DCDC1: variants seen among roughly 807,000 people sequenced by gnomAD.
DCDC1 encodes the protein doublecortin domain containing 1.
A neutral mutation model predicts 178.3 loss-of-function variants in DCDC1; 200 were observed. The ratio of observed to expected loss-of-function variants is 1.12; its 90% CI spans 1.00 to 1.26. DCDC1 has a LOEUF of 1.26. DCDC1 is among the 50% of genes most tolerant of loss of function. The pLI, the probability that DCDC1 is intolerant of heterozygous loss-of-function variation, is 0.00. For missense variants in DCDC1, 1,983 were observed against 1,749.2 expected (o/e 1.13, Z -2.38); for synonymous variants, 690 against 604.8 (o/e 1.14, Z -2.07).
At chr11:31,047,824 AT>A (rs1954954258) in intron 20 of DCDC1, among the ~76,000 whole-genome samples, 1 of 152,200 alleles carries the variant, frequency 6.6e-6, no homozygotes, top group Non-Finnish European at 1.5e-5. Context: ...TGAATAACAT[AT>A]AAAATTTAGC....
chr11:31,306,697 A>ATC (rs1948483723), intron 4 of DCDC1, among the ~76,000 whole-genome samples: 1 of 151,830 alleles, frequency 6.6e-6, no homozygotes, highest in African/African-American at 2.4e-5. Flanking sequence ...ATATATATAT[A>ATC]TTATATGCAA....
chr11:30,894,480 C>A, intron 34 of DCDC1, 96 bp from the exon 35 acceptor site: 1 of 1,507,292 alleles, frequency 6.6e-7, no homozygotes, highest in South Asian at 1.3e-5. Flanking sequence ...TCGTTCCACA[C>A]AGGAGCATAA....
Position 30,905,082 on chromosome 11 carries a change from G to A in DCDC1, c.4187C>T (p.Thr1396Met), listed in dbSNP as rs563373193. The A allele has an allele frequency of 2.1e-5, 34 of 1,613,688 alleles. No individual in the cohort carries two copies. The highest frequency in any genetic ancestry group is 1.7e-4 in the Middle Eastern group (1 of 6,060). ...CATGCCACTGTGAGATGCAGCTTGC[G>A]TGCAGGTCTTCATCCGTAAAGACAA... ...RLLSLRMKTC[T>M]QAASHSGMAA... is the part of the protein sequence containing the mutation. Residue 1396 changes from threonine (T) to methionine (M), a missense_variant, in exon 31 of 39, where the codon ACG becomes ATG. Physicochemically the swap from Thr to Met is moderately conservative, Grantham distance 81. Coordinates refer to ENST00000684477, the MANE Select transcript of DCDC1 (RefSeq NM_001387274.1).
chr11:30,998,689 A>G (rs896214984), intron 20 of DCDC1, among the ~76,000 whole-genome samples: 6 of 152,284 alleles, frequency 3.9e-5, no homozygotes, highest in African/African-American at 1.4e-4. Context: ...ATTTGCTCAA[A>G]CTTATGGTAT....
intron 20 of DCDC1, among the ~76,000 whole-genome samples, chr11:30,997,193 T>C (rs552438102): frequency 9.2e-5 from 14 of 152,240 alleles, no homozygotes; most frequent in East Asian, 3.9e-4. Flanking sequence ...AGGATAGAGA[T>C]TGATTACAAA....
intron 20 of DCDC1, among the ~76,000 whole-genome samples, chr11:31,020,357 C>T (rs1952788177): frequency 6.6e-6 from 1 of 152,044 alleles, no homozygotes; most frequent in South Asian, 2.1e-4. Flanking sequence ...CTCATAAATA[C>T]AGCCTCCTCA....
intron 9 of DCDC1, among the ~76,000 whole-genome samples, chr11:31,188,621 C>T (rs976580377): frequency 1.3e-5 from 2 of 152,128 alleles, no homozygotes; most frequent in South Asian, 2.1e-4. Flanking sequence ...ACATTGGGTG[C>T]CATGTATACC....
chr11:30,899,787 TG>T (rs749413368), intron 33 of DCDC1, 145 bp from the exon 34 acceptor site: 8 of 578,778 alleles, frequency 1.4e-5, no homozygotes, highest in Non-Finnish European at 1.9e-5. Flanking sequence ...AAACTTCATT[TG>T]AAAGATGACA....
At chr11:31,075,228 T>A (rs1207496485) in intron 18 of DCDC1, among the ~76,000 whole-genome samples, 2 of 152,212 alleles carry the variant, frequency 1.3e-5, no homozygotes, top group African/African-American at 2.4e-5. Context: ...TATTATTTCA[T>A]TCTTTTTAAC....
At chr11:31,084,952 G>A (rs1160547611) in intron 17 of DCDC1, among the ~76,000 whole-genome samples, 3 of 150,706 alleles carry the variant, frequency 2.0e-5, no homozygotes, top group African/African-American at 7.3e-5. Context: ...CTGATGAGAT[G>A]TTGCAGTACT....
chr11:31,183,612 A>G (rs1428925115), intron 9 of DCDC1, among the ~76,000 whole-genome samples: 2 of 152,218 alleles, frequency 1.3e-5, no homozygotes, highest in African/African-American at 4.8e-5. Context: ...TCAATGTGCA[A>G]AAATCACAAG....
chr11:30,996,485 G>A lies in DCDC1; in HGVS notation c.2592-43917C>T, dbSNP rs890486015. Among the ~76,000 whole-genome samples, 2 of 152,190 alleles carry A rather than the reference G, an allele frequency of 1.3e-5. 1 individual carries two copies. On this transcript the variant is annotated intron_variant, in intron 20 of 38. Coordinates refer to ENST00000684477, the MANE Select transcript of DCDC1 (RefSeq NM_001387274.1). ...CCCCAGTGCAAGAGTATTGGGAAGT[G>A]TGACCTTTGGTAGGTGATGCAGTTA...
At chr11:31,029,012 A>C (rs1017011573) in intron 20 of DCDC1, among the ~76,000 whole-genome samples, 6 of 152,014 alleles carry the variant, frequency 3.9e-5, no homozygotes, top group Admixed American at 6.6e-5. Context: ...AGATGCTAAG[A>C]TTTTACGATG....
At chr11:31,088,348 T>A (rs1957600842) in intron 17 of DCDC1, among the ~76,000 whole-genome samples, 1 of 152,074 alleles carries the variant, frequency 6.6e-6, no homozygotes, top group Admixed American at 6.6e-5. Context: ...CCTACCATCT[T>A]GTTATTTATT....
At chr11:31,224,108 C>A (rs529325407) in intron 9 of DCDC1, among the ~76,000 whole-genome samples, 8 of 152,186 alleles carry the variant, frequency 5.3e-5, no homozygotes, top group Non-Finnish European at 8.8e-5. Flanking sequence ...GTGCCTTTAG[C>A]CTTCCTTCAT....
chr11:31,189,731 C>A (rs1969923451), intron 9 of DCDC1, among the ~76,000 whole-genome samples: 2 of 152,120 alleles, frequency 1.3e-5, no homozygotes, highest in African/African-American at 4.8e-5. Flanking sequence ...ATCATCACAT[C>A]CCCTTCTCTG....
At position 31,313,357 on chromosome 11, in the gene DCDC1, A is replaced by AT. The variant is rs997112802; in HGVS notation, c.165-5450dup. 3.3e-5 allele frequency among the ~76,000 whole-genome samples: 5 copies of AT among 152,082 alleles called. No individual in the cohort carries two copies. In the South Asian group the frequency reaches 6.2e-4, roughly 19 times the overall value. ...CAATGCACAAACCTTAAAACACATT[A>AT]TATCTGTTTATTGTTGCTTCCTAGG... On this transcript the variant is annotated intron_variant, in intron 3 of 38. Coordinates refer to ENST00000684477, the MANE Select transcript of DCDC1 (RefSeq NM_001387274.1).
chr11:31,230,030 TA>T (rs1423438549), intron 9 of DCDC1, among the ~76,000 whole-genome samples: 1 of 152,020 alleles, frequency 6.6e-6, no homozygotes, highest in Non-Finnish European at 1.5e-5. Context: ...CAAGAAGAAA[TA>T]AAAGGCATTC....
At chr11:31,017,174 T>C (rs1263393529) in intron 20 of DCDC1, among the ~76,000 whole-genome samples, 1 of 152,324 alleles carries the variant, frequency 6.6e-6, no homozygotes, top group East Asian at 1.9e-4. Flanking sequence ...TATTTTAAAG[T>C]ATAGTTGACC....
Sources: allele counts gnomAD v4.1 joint callset (sites outside exome capture counted in the v4.1 genomes callset), GRCh38; gene constraint gnomAD v4.1.1; transcripts MANE v1.5; gene names NCBI Gene and HGNC (gene_info 2026-07-23, HGNC 2026-07-21).